The following ITPRID1 variants were observed in gnomAD, a reference collection of about 807,000 sequenced individuals.
The protein encoded by ITPRID1 is ITPR interacting domain containing 1.
ITPRID1 carries 96 observed loss-of-function variants against 95.4 expected under a neutral mutation model. That is an observed-to-expected ratio of 1.01 (90% confidence interval 0.85 to 1.19). The LOEUF (loss-of-function observed/expected upper bound fraction) is 1.19. Ranked by LOEUF, ITPRID1 falls within the 50% of genes most tolerant of loss-of-function variation. ITPRID1 has a pLI of 0.00. For synonymous variants in ITPRID1, 510 were observed against 453.6 expected, an observed-to-expected ratio of 1.12 and a Z score of -1.58; for missense variants, 1,339 against 1,252.9, an observed-to-expected ratio of 1.07 and a Z score of -1.04.
At chr7:31,560,022 A>G (rs1343575184) in intron 5 of ITPRID1, among the ~76,000 whole-genome samples, 1 of 152,226 alleles carries the variant, frequency 6.6e-6, no homozygotes. Flanking sequence ...GAGACAATAA[A>G]CAAATAAATA....
chr7:31,529,688 C>T (rs1284994602), intron 1 of ITPRID1: 1 of 1,275,642 alleles, frequency 7.8e-7, no homozygotes, highest in Non-Finnish European at 1.1e-6. Context: ...GTTCTGCAGT[C>T]ACAAGGGCTT....
intron 10 of ITPRID1, among the ~76,000 whole-genome samples, chr7:31,637,184 C>A (rs1323014161): frequency 6.6e-6 from 1 of 151,886 alleles, no homozygotes; most frequent in Non-Finnish European, 1.5e-5. Context: ...GTGAATAGTG[C>A]CGCAATAAAC....
At chr7:31,568,769 C>T (rs962096444) in intron 5 of ITPRID1, among the ~76,000 whole-genome samples, 2 of 152,166 alleles carry the variant, frequency 1.3e-5, no homozygotes, top group Admixed American at 6.5e-5. Context: ...TGCTCAAAAA[C>T]CTTTCGTGGT....
chr7:31,651,096 A>G, intron 12 of ITPRID1, 46 bp from the exon 13 acceptor site: 2 of 1,587,842 alleles, frequency 1.3e-6, no homozygotes, highest in Non-Finnish European at 1.7e-6. Context: ...GCTCTTGCAG[A>G]GGATCAGAGA....
At chr7:31,594,904 T>G (rs1446598412) in intron 10 of ITPRID1, among the ~76,000 whole-genome samples, 1 of 151,886 alleles carries the variant, frequency 6.6e-6, no homozygotes, top group Non-Finnish European at 1.5e-5. Flanking sequence ...CCTTTCAGTC[T>G]TTTACAGACC....
chr7:31,634,201 C>T (rs933752410), intron 10 of ITPRID1, among the ~76,000 whole-genome samples: 1 of 152,172 alleles, frequency 6.6e-6, no homozygotes, highest in African/African-American at 2.4e-5. Flanking sequence ...CTGCCCCAAG[C>T]AGGGTCCCCC....
chr7:31,642,603 CAAG>C lies in ITPRID1; in HGVS notation c.1312-73_1312-71del, dbSNP rs894388967. 4.6e-6 allele frequency: 6 copies of C among 1,306,656 alleles called. No homozygotes were observed. In the African/African-American group the frequency reaches 5.9e-5, roughly 13 times the overall value. The allele number at this position is 1,306,656 out of a possible 1,614,324, so 80.9% of individuals were successfully genotyped here. ...TATCTCCTGACTCCTAAGGCAATGA[CAAG>C]AAGAAAATCTCACCTTAAACCTATT... On this transcript the variant is annotated intron_variant, in intron 11 of 14. Transcript: ENST00000615280.
chr7:31,599,659 C>CTCT (rs1562598996), intron 10 of ITPRID1, among the ~76,000 whole-genome samples: 27 of 31,758 alleles, frequency 8.5e-4, no homozygotes, highest in East Asian at 2.5e-3. Flanking sequence ...TTCTTTCTTT[C>CTCT]CTTTCTCTCT....
chr7:31,589,254 A>G (rs1320336386), intron 10 of ITPRID1, among the ~76,000 whole-genome samples: 1 of 152,148 alleles, frequency 6.6e-6, no homozygotes, highest in South Asian at 2.1e-4. Flanking sequence ...TAATATATCT[A>G]TAGACGTTAT....
chr7:31,535,329 A>C (rs1409318529), intron 1 of ITPRID1, among the ~76,000 whole-genome samples: 2 of 152,004 alleles, frequency 1.3e-5, no homozygotes, highest in African/African-American at 4.8e-5. Flanking sequence ...GATTCTACGG[A>C]TATATAAATC....
downstream of ITPRID1, among the ~76,000 whole-genome samples, chr7:31,656,711 C>T (rs544958557): frequency 1.6e-4 from 25 of 152,152 alleles, no homozygotes; most frequent in African/African-American, 5.1e-4. Flanking sequence ...TATTTGTGGA[C>T]GGTTTTGACA....
intron 1 of ITPRID1, among the ~76,000 whole-genome samples, chr7:31,518,617 C>T (rs888370131): frequency 2.0e-5 from 3 of 152,088 alleles, no homozygotes; most frequent in African/African-American, 7.2e-5. Context: ...AAGGAAAAAG[C>T]GGTATAATTA....
chr7:31,529,667 C>T lies in ITPRID1; in HGVS notation c.-98+15547C>T, dbSNP rs138508628. On this transcript the variant is annotated intron_variant, in intron 1 of 14. Transcript: ENST00000615280. ...ACTTTTAAATAGGAGCAGACAGAAA[C>T]TTGGGTCATAGTTCTGCAGTCACAA... is the stretch of plus-strand genomic sequence containing the variant. The T allele has an allele frequency of 2.0e-4, 202 of 995,864 alleles. 1 individual carries two copies. In the East Asian group the frequency reaches 5.2e-3, roughly 26 times the overall value. The allele number at this position is 995,864 out of a possible 1,614,324, so 61.7% of individuals were successfully genotyped here. A position where few individuals can be genotyped will look rare whatever the true frequency, so the allele number is the denominator to read the frequency against.
At chr7:31,515,329 T>C (rs967314574) in intron 1 of ITPRID1, among the ~76,000 whole-genome samples, 2 of 151,070 alleles carry the variant, frequency 1.3e-5, no homozygotes, top group Admixed American at 6.6e-5. Flanking sequence ...TTGTGGTATG[T>C]CCATGCAATG....
downstream of ITPRID1, among the ~76,000 whole-genome samples, chr7:31,657,926 G>A (rs78407845): frequency 3.9e-5 from 6 of 152,092 alleles, no homozygotes; most frequent in Non-Finnish European, 7.4e-5. Flanking sequence ...AAGGAAAAAC[G>A]TGGCCTCTTC....
chr7:31,527,112 T>C (rs1783445912), intron 1 of ITPRID1, among the ~76,000 whole-genome samples: 1 of 152,172 alleles, frequency 6.6e-6, no homozygotes, highest in African/African-American at 2.4e-5. Context: ...CCTCAGACCT[T>C]TGCACCTTTG....
chr7:31,648,089 T>C (rs1040973371), intron 12 of ITPRID1, among the ~76,000 whole-genome samples: 4 of 152,198 alleles, frequency 2.6e-5, no homozygotes, highest in African/African-American at 9.6e-5. Context: ...ATGAGATCTA[T>C]CAGAAATAAG....
At chr7:31,617,919 C>T (rs763063112) in intron 10 of ITPRID1, among the ~76,000 whole-genome samples, 1 of 152,124 alleles carries the variant, frequency 6.6e-6, no homozygotes, top group Non-Finnish European at 1.5e-5. Flanking sequence ...AAGATAAAGT[C>T]CCTTTTCTAT....
At chr7:31,530,171 T>C (rs1289245185) in intron 1 of ITPRID1, among the ~76,000 whole-genome samples, 1 of 152,152 alleles carries the variant, frequency 6.6e-6, no homozygotes, top group East Asian at 1.9e-4. Context: ...TGAATACTAG[T>C]TCAAGCAATG....
Sources: gnomAD v4.1 joint callset for allele counts (sites outside exome capture counted in the v4.1 genomes callset) on GRCh38, gnomAD v4.1.1 for gene constraint, MANE v1.5 for transcripts, NCBI Gene and HGNC (gene_info 2026-07-23, HGNC 2026-07-21) for gene names.